CHD7: variants seen among roughly 807,000 people sequenced by gnomAD.
CHD7 encodes the protein chromodomain helicase DNA binding protein 7, also known as ATP-dependent chromatin remodeler CHD7.
In CHD7, 24 loss-of-function variants were observed where a neutral mutation model predicts 307.3. The ratio of observed to expected loss-of-function variants is 0.08; its 90% CI spans 0.06 to 0.11. CHD7 has a LOEUF of 0.11. CHD7 is among the 10% of genes least tolerant of loss of function. The pLI, the probability that CHD7 is intolerant of heterozygous loss-of-function variation, is 1.00. For missense variants in CHD7, 3,106 were observed against 3,727.1 expected (o/e 0.83, Z 4.34); for synonymous variants, 1,363 against 1,349.9 (o/e 1.01, Z -0.21).
intron 1 of CHD7, among the ~76,000 whole-genome samples, chr8:60,705,214 CAAG>C (rs140328619): frequency 0.046 from 6,944 of 152,142 alleles, 543 homozygotes; most frequent in African/African-American, 0.16. Flanking sequence ...GTCCTGGAAA[CAAG>C]GAGGCAGGAG....
rs1181528368 is a variant in CHD7 at position 60,836,140 on chromosome 8, C to G, written c.3846C>G (p.Leu1282=). The change falls in exon 16 of 38, where the codon CTC becomes CTG. Residue 1282 remains leucine, a synonymous_variant. Transcript: ENST00000423902. Reference sequence around the variant, plus strand: ...ATGCAGAGTCTCCAGATTTTCAGCTCCAGGCAATGATCCAGGCTGCTGGCA... The same window carrying G: ...ATGCAGAGTCTCCAGATTTTCAGCTGCAGGCAATGATCCAGGCTGCTGGCA... ...THNAESPDFQ[L]QAMIQAAGKL... 15 of 1,613,604 alleles carry G rather than the reference C, an allele frequency of 9.3e-6. No individual in the cohort carries two copies. Among genetic ancestry groups the G allele is most frequent in the Non-Finnish European group, 1.1e-5 (13 of 1,179,780 alleles).
At position 60,801,566 on chromosome 8, in the gene CHD7, T is replaced by G. The variant is rs772031683; in HGVS notation, c.2415T>G (p.Ile805Met). The change falls in exon 6 of 38, where the codon ATT becomes ATG. Residue 805 changes from isoleucine (I) to methionine (M), a missense_variant. By Grantham distance (10) the Ile-to-Met change is conservative. Coordinates refer to ENST00000423902, the MANE Select transcript of CHD7 (RefSeq NM_017780.4). ...CAGAAGGCCCAGTGGTAGAAAAAAT[T>G]ATGAGCAGTCGTTCAGTAAAAAAGC... ...VDAEGPVVEK[I>M]MSSRSVKKQK... is the part of the protein sequence containing the mutation. The G allele has an allele frequency of 4.4e-6, 7 of 1,575,638 alleles. No homozygotes were observed. The highest frequency in any genetic ancestry group is 5.2e-6 in the Non-Finnish European group (6 of 1,159,312).
chr8:60,796,473 T>A (rs1341115037), intron 4 of CHD7, among the ~76,000 whole-genome samples: 1 of 152,252 alleles, frequency 6.6e-6, no homozygotes, highest in Non-Finnish European at 1.5e-5. Context: ...ATGTCAATAG[T>A]ATTTGGACAA....
chr8:60,731,310 G>A (rs1373402722), intron 1 of CHD7, among the ~76,000 whole-genome samples: 3 of 152,190 alleles, frequency 2.0e-5, no homozygotes, highest in Non-Finnish European at 2.9e-5. Context: ...CAGTTAAATT[G>A]TGGGGAAGGA....
Position 60,856,537 on chromosome 8 carries a change from T to C in CHD7, c.7257T>C (p.Asn2419=), listed in dbSNP as rs886042294. Residue 2419 remains asparagine (N), a synonymous_variant, in exon 34 of 38, where the codon AAT becomes AAC. Transcript: ENST00000423902. ...IEAERAAKRR[N]LMEMVAQLRE... is the part of the protein sequence containing the mutation. ...CCGAAAGAGCTGCCAAGAGGCGAAATCTCATGGAGATGGTTGCCCAGCTTC... is the reference window on the plus strand; with the variant it reads ...CCGAAAGAGCTGCCAAGAGGCGAAACCTCATGGAGATGGTTGCCCAGCTTC... The C allele has an allele frequency of 1.9e-6, 3 of 1,613,670 alleles. No homozygotes were observed. The African/African-American group carries it at 4.0e-5, about 22-fold the overall frequency.
chr8:60,711,904 C>T (rs1807298161), intron 1 of CHD7, among the ~76,000 whole-genome samples: 1 of 152,172 alleles, frequency 6.6e-6, no homozygotes. Flanking sequence ...TGCATGTGCA[C>T]ATTAATCTGA....
chr8:60,848,947 C>T lies in CHD7; in HGVS notation c.5301-104C>T, dbSNP rs1348599629. 6.5e-6 allele frequency: 6 copies of T among 927,022 alleles called. No individual in the cohort carries two copies. In the African/African-American group the frequency reaches 8.2e-5, roughly 13 times the overall value. 57.4% of individuals were successfully genotyped at this position (927,022 alleles called of 1,614,324 possible). ...ACCTTGCTGATACCTCCCCACCATGCTCAGATGTTTATCGTGGGAGAGAGG... is the reference window on the plus strand; with the variant it reads ...ACCTTGCTGATACCTCCCCACCATGTTCAGATGTTTATCGTGGGAGAGAGG... On this transcript the variant is annotated intron_variant, in intron 24 of 37. Transcript: ENST00000423902.
rs368807380 is a variant in CHD7 at position 60,852,986 on chromosome 8, G to A, written c.6261G>A (p.Leu2087=). The stretch of plus-strand genomic sequence containing the variant: ...AGCTCTGCCAGCCAAGCTTGGATCT[G>A]CCAGAGTGGTGGGAGTGTGGACGGC... The part of the protein sequence containing the change: ...RLKLCQPSLD[L]PEWWECGRHD... Residue 2087 remains leucine (L), a synonymous_variant, in exon 31 of 38, where the codon CTG becomes CTA. Transcript: ENST00000423902. 8.7e-6 allele frequency: 14 copies of A among 1,613,906 alleles called. No individual in the cohort carries two copies. The East Asian group carries it at 3.1e-4, about 36-fold the overall frequency.
intron 3 of CHD7, among the ~76,000 whole-genome samples, chr8:60,790,196 G>A (rs1811701085): frequency 1.3e-5 from 2 of 152,224 alleles, no homozygotes; most frequent in Admixed American, 1.3e-4. Context: ...CTTGCTTCAT[G>A]AGTGGATGGC....
intron 1 of CHD7, among the ~76,000 whole-genome samples, chr8:60,731,525 C>T (rs539153172): frequency 9.2e-5 from 14 of 152,254 alleles, no homozygotes; most frequent in African/African-American, 3.4e-4. Flanking sequence ...TACGTATCCC[C>T]AGGATGAAGG....
In CHD7 at chr8:60,855,726, G is replaced by A. The variant is rs192096433; in HGVS notation, c.6937-249G>A. On this transcript the variant is annotated intron_variant, in intron 32 of 37. Transcript: ENST00000423902. ...ATTTTTCTGTTTTATGTAGTTCAGT[G>A]TTCGTAATTAAAAATAGCATGTTTT... Among the ~76,000 whole-genome samples, 423 of 152,322 alleles carry A rather than the reference G, an allele frequency of 2.8e-3. 2 individuals carry two copies. The highest frequency in any genetic ancestry group is 9.4e-3 in the African/African-American group (389 of 41,576).
At chr8:60,697,646 AG>A (rs1460105145) in intron 1 of CHD7, among the ~76,000 whole-genome samples, 4 of 152,250 alleles carry the variant, frequency 2.6e-5, no homozygotes, top group African/African-American at 9.6e-5. Flanking sequence ...GCCAAAAAAA[AG>A]TCGTGGAATT....
Position 60,867,023 on chromosome 8 carries a change from A to G in CHD7, c.*1090A>G, listed in dbSNP as rs1399074938. The stretch of plus-strand genomic sequence containing the variant: ...GTTTCTTGATATATCCTCTTATACT[A>G]GATTAGCTTTTGGTAAGACACTAAA... On this transcript the variant is annotated 3_prime_UTR_variant, in exon 38 of 38. Coordinates refer to ENST00000423902, the MANE Select transcript of CHD7 (RefSeq NM_017780.4). 6.6e-6 allele frequency: 1 copy of G among 152,208 alleles called. No homozygotes were observed. The highest frequency in any genetic ancestry group is 1.9e-4 in the East Asian group (1 of 5,204). 9.4% of individuals were successfully genotyped at this position (152,208 alleles called of 1,614,324 possible).
At chr8:60,760,789 A>C (rs1162133768) in intron 2 of CHD7, among the ~76,000 whole-genome samples, 54 of 151,856 alleles carry the variant, frequency 3.6e-4, no homozygotes, top group African/African-American at 1.3e-3. Flanking sequence ...CAAAACCACA[A>C]TGAGATACCA....
At chr8:60,732,303 A>G (rs1172831295) in intron 1 of CHD7, among the ~76,000 whole-genome samples, 1 of 152,214 alleles carries the variant, frequency 6.6e-6, no homozygotes, top group Non-Finnish European at 1.5e-5. Flanking sequence ...CAGTTAGTTA[A>G]TCAGTGACAA....
chr8:60,812,289 T>C (rs1812848307), intron 7 of CHD7, among the ~76,000 whole-genome samples: 1 of 152,202 alleles, frequency 6.6e-6, no homozygotes, highest in African/African-American at 2.4e-5. Context: ...CCTGATCCAT[T>C]TGGTGTTTAT....
chr8:60,684,159 G>A (rs1805763977), intron 1 of CHD7, among the ~76,000 whole-genome samples: 1 of 152,110 alleles, frequency 6.6e-6, no homozygotes, highest in Non-Finnish European at 1.5e-5. Flanking sequence ...AATAACGTAG[G>A]TATTTATGAA....
chr8:60,759,510 C>T (rs556999866), intron 2 of CHD7, among the ~76,000 whole-genome samples: 19 of 147,892 alleles, frequency 1.3e-4, no homozygotes, highest in Middle Eastern at 3.5e-3. Flanking sequence ...CCTCTCCCTC[C>T]CTCTCTCCCT....
intron 1 of CHD7, among the ~76,000 whole-genome samples, chr8:60,689,860 A>C (rs1396671890): frequency 6.6e-6 from 1 of 152,364 alleles, no homozygotes; most frequent in Admixed American, 6.5e-5. Context: ...AGCTTATTAC[A>C]GAATTGACTT....
Sources: allele counts gnomAD v4.1 joint callset (sites outside exome capture counted in the v4.1 genomes callset), GRCh38; gene constraint gnomAD v4.1.1; transcripts MANE v1.5; gene names NCBI Gene and HGNC (gene_info 2026-07-23, HGNC 2026-07-21).